TPTE2: variants seen among roughly 807,000 people sequenced by gnomAD.
TPTE2 encodes the protein phosphatidylinositol 3,4,5-trisphosphate 3-phosphatase TPTE2.
In TPTE2, 53 loss-of-function variants were observed where a neutral mutation model predicts 78.6. The observed-to-expected ratio is 0.67, with a 90% CI of 0.54 to 0.85. The LOEUF is 0.85. Among genes scored for constraint, TPTE2 ranks in the 40% least tolerant of loss-of-function variants. TPTE2 has a pLI of 0.00. For synonymous variants in TPTE2, 175 were observed against 206.2 expected, an observed-to-expected ratio of 0.85 and a Z score of 1.30; for missense variants, 461 against 623.0, an observed-to-expected ratio of 0.74 and a Z score of 2.77.
intron 3 of TPTE2, among the ~76,000 whole-genome samples, chr13:19,488,664 G>A (rs1880803494): frequency 6.6e-6 from 1 of 152,170 alleles, no homozygotes; most frequent in Non-Finnish European, 1.5e-5. Context: ...GAGAGTGAGG[G>A]CCTTGTCCTG....
intron 13 of TPTE2, among the ~76,000 whole-genome samples, chr13:19,448,316 T>A (rs912641517): frequency 6.6e-6 from 1 of 152,092 alleles, no homozygotes; most frequent in Admixed American, 6.5e-5. Context: ...AAAGAAAAAG[T>A]AGACAAATGA....
At position 19,432,926 on chromosome 13, in the gene TPTE2, G is replaced by A. The variant is rs1294660172; in HGVS notation, c.1117-348C>T. 3.3e-5 allele frequency among the ~76,000 whole-genome samples: 5 copies of A among 152,140 alleles called. 1 individual carries two copies. Among genetic ancestry groups the A allele is most frequent in the Middle Eastern group, 6.3e-3 (2 of 316 alleles). The stretch of plus-strand genomic sequence containing the variant: ...TTAGTTGTGACTGAGTTAGAGGAAG[G>A]CTTGTGGTTTGGTGAAGAGCAGCTT... On this transcript the variant is annotated intron_variant, in intron 15 of 19. Transcript: ENST00000400230.
At chr13:19,525,105 C>T (rs570961082) in intron 1 of TPTE2, among the ~76,000 whole-genome samples, 1 of 152,170 alleles carries the variant, frequency 6.6e-6, no homozygotes, top group African/African-American at 2.4e-5. Flanking sequence ...GAGGCTACTA[C>T]ACAGCTTAGG....
chr13:19,450,274 G>A, exon 12 of TPTE2: 1 of 1,611,256 alleles, frequency 6.2e-7, no homozygotes, highest in South Asian at 1.1e-5. Context: ...GTAGAGTGGG[G>A]ACATTATGAT....
chr13:19,480,199 A>G (rs1880257943), intron 4 of TPTE2, among the ~76,000 whole-genome samples: 1 of 151,974 alleles, frequency 6.6e-6, no homozygotes, highest in African/African-American at 2.4e-5. Context: ...TCTGGTACAG[A>G]CTCTGGGGGT....
chr13:19,461,657 T>A (rs1054153371), intron 10 of TPTE2, among the ~76,000 whole-genome samples: 1 of 152,194 alleles, frequency 6.6e-6, no homozygotes, highest in Non-Finnish European at 1.5e-5. Context: ...CCTAAAAATA[T>A]TTGCCTTGTT....
At chr13:19,485,414 A>G (rs1186468268) in intron 3 of TPTE2, among the ~76,000 whole-genome samples, 1 of 152,030 alleles carries the variant, frequency 6.6e-6, no homozygotes, top group African/African-American at 2.4e-5. Context: ...CTGCTGGGAA[A>G]TCAGCTGTTA....
upstream of TPTE2, chr13:19,505,980 G>A (rs1394045152): frequency 6.6e-6 from 1 of 151,186 alleles, no homozygotes; most frequent in Admixed American, 6.6e-5. Context: ...ATCCTACAGT[G>A]AGAAGATTTA....
At chr13:19,469,915 TC>T (rs1163941274) in intron 6 of TPTE2, among the ~76,000 whole-genome samples, 1 of 152,264 alleles carries the variant, frequency 6.6e-6, no homozygotes, top group Non-Finnish European at 1.5e-5. Flanking sequence ...CTAATAGTTT[TC>T]TTTGTGGAGT....
intron 10 of TPTE2, among the ~76,000 whole-genome samples, chr13:19,456,171 C>T (rs534572541): frequency 1.3e-5 from 2 of 152,198 alleles, no homozygotes; most frequent in African/African-American, 4.8e-5. Flanking sequence ...ATGAAGGATG[C>T]TAGATGTAAA....
At chr13:19,514,948 T>TC (rs1869705302) in intron 1 of TPTE2, among the ~76,000 whole-genome samples, 1 of 152,164 alleles carries the variant, frequency 6.6e-6, no homozygotes, top group Non-Finnish European at 1.5e-5. Flanking sequence ...TATTTCTTCA[T>TC]CTGTAAGTTA....
chr13:19,447,555 A>G (rs1398331247), intron 13 of TPTE2, among the ~76,000 whole-genome samples: 3 of 152,166 alleles, frequency 2.0e-5, no homozygotes, highest in African/African-American at 7.2e-5. Flanking sequence ...GAACTAATAT[A>G]CAGCTAAACA....
At chr13:19,440,234 C>A (rs1268781739) in intron 13 of TPTE2, among the ~76,000 whole-genome samples, 1 of 152,154 alleles carries the variant, frequency 6.6e-6, no homozygotes, top group Non-Finnish European at 1.5e-5. Flanking sequence ...GTAGCCCCAT[C>A]AGGATAACAG....
the TPTE2 span, among the ~76,000 whole-genome samples, chr13:19,542,897 G>A: frequency 2.6e-5 from 4 of 151,712 alleles, no homozygotes; most frequent in African/African-American, 9.7e-5. Flanking sequence ...AGGCTGCGGT[G>A]GGAGAATCAC....
intron 13 of TPTE2, among the ~76,000 whole-genome samples, chr13:19,449,820 G>GAT (rs1878062213): frequency 6.6e-6 from 1 of 151,974 alleles, no homozygotes. Context: ...CAAATACTAG[G>GAT]AAAACAAGGG....
chr13:19,514,613 G>GTGTGTGTGTGTGTA (rs1869677700), intron 1 of TPTE2, among the ~76,000 whole-genome samples: 2 of 150,846 alleles, frequency 1.3e-5, no homozygotes, highest in Admixed American at 6.6e-5. Flanking sequence ...GTGTGTGTGT[G>GTGTGTGTGTGTGTA]TGTGTGTGTG....
At chr13:19,437,925 C>T (rs1403629255) in intron 14 of TPTE2, among the ~76,000 whole-genome samples, 167 bp downstream of exon 17, 1 of 152,094 alleles carries the variant, frequency 6.6e-6, no homozygotes, top group Non-Finnish European at 1.5e-5. Flanking sequence ...AACTAGTGCA[C>T]GTTAAACAAG....
intron 1 of TPTE2, among the ~76,000 whole-genome samples, chr13:19,519,299 A>T (rs1339148706): frequency 2.6e-5 from 4 of 152,014 alleles, no homozygotes; most frequent in Non-Finnish European, 2.9e-5. Flanking sequence ...ACAACTCTAA[A>T]CCCCTCTAGC....
At chr13:19,424,966 A>T (rs1230253250) in exon 19 of TPTE2, 4 of 1,539,088 alleles carry the variant, frequency 2.6e-6, no homozygotes, top group Non-Finnish European at 3.5e-6. Flanking sequence ...TGAATAAAAG[A>T]CGTGTTGAAC....
Sources: gnomAD v4.1 joint callset for allele counts (sites outside exome capture counted in the v4.1 genomes callset) on GRCh38, gnomAD v4.1.1 for gene constraint, MANE v1.5 for transcripts, NCBI Gene and HGNC (gene_info 2026-07-23, HGNC 2026-07-21) for gene names.